EBF3: variants seen among roughly 807,000 people sequenced by gnomAD.
EBF3 encodes the protein EBF transcription factor 3, also known as transcription factor COE3.
EBF3 carries 18 observed loss-of-function variants against 77.1 expected under a neutral mutation model. The ratio of observed to expected loss-of-function variants is 0.23; its 90% confidence interval spans 0.16 to 0.35. The LOEUF is 0.35. Among genes scored for constraint, EBF3 ranks in the 10% least tolerant of loss-of-function variants. EBF3 has a pLI of 1.00. For missense variants in EBF3, 558 were observed against 860.0 expected, an observed-to-expected ratio of 0.65 and a Z score of 4.39; for synonymous variants, 350 against 343.5, an observed-to-expected ratio of 1.02 and a Z score of -0.21.
At chr10:129,904,690 T>C (rs1855014754) in intron 6 of EBF3, among the ~76,000 whole-genome samples, 1 of 151,826 alleles carries the variant, frequency 6.6e-6, no homozygotes, top group African/African-American at 2.4e-5. Flanking sequence ...AACTATATAA[T>C]ACAAATATAT....
intron 11 of EBF3, among the ~76,000 whole-genome samples, chr10:129,845,153 G>T (rs1850363084): frequency 6.6e-6 from 1 of 152,160 alleles, no homozygotes; most frequent in Non-Finnish European, 1.5e-5. Flanking sequence ...GCTCTTAAGT[G>T]GTGGTCTTGT....
intron 6 of EBF3, among the ~76,000 whole-genome samples, chr10:129,946,174 T>C (rs1229247693): frequency 6.6e-6 from 1 of 152,256 alleles, no homozygotes; most frequent in Non-Finnish European, 1.5e-5. Flanking sequence ...TTCTCACTGC[T>C]GGGCCCTCGG....
Position 129,885,493 on chromosome 10 carries a change from T to A in EBF3, c.555-7644A>T, listed in dbSNP as rs1853509352. ...ATGATAGTTTTGATAAGGTTATCTGTTTCAAAGAAGTCAACTGCACAACAC... is the reference window on the plus strand; with the variant it reads ...ATGATAGTTTTGATAAGGTTATCTGATTCAAAGAAGTCAACTGCACAACAC... On this transcript the variant is annotated intron_variant, in intron 6 of 16. Coordinates refer to ENST00000440978, the MANE Select transcript of EBF3 (RefSeq NM_001375380.1). This position sits in a 1 kb window ranked among gnomAD's most constrained non-coding sequence, Gnocchi z 4.0. 6.6e-6 allele frequency among the ~76,000 whole-genome samples: 1 copy of A among 152,212 alleles called. No individual in the cohort carries two copies. Among genetic ancestry groups the A allele is most frequent in the Non-Finnish European group, 1.5e-5 (1 of 68,034 alleles).
At chr10:129,876,431 C>T (rs1852775096) in intron 7 of EBF3, among the ~76,000 whole-genome samples, 1 of 152,248 alleles carries the variant, frequency 6.6e-6, no homozygotes, top group African/African-American at 2.4e-5. Flanking sequence ...CCTGTGAAGC[C>T]TAGTGCGTGA....
intron 6 of EBF3, among the ~76,000 whole-genome samples, chr10:129,924,275 C>T (rs928704679): frequency 2.0e-5 from 3 of 152,002 alleles, no homozygotes; most frequent in African/African-American, 7.3e-5. Context: ...ATTAGCCAGG[C>T]GTGATGGTAC....
chr10:129,937,638 C>T (rs1490702024), intron 6 of EBF3, among the ~76,000 whole-genome samples: 1 of 152,178 alleles, frequency 6.6e-6, no homozygotes, highest in African/African-American at 2.4e-5. Context: ...GTCCAGTCCC[C>T]GCCCCGTGCC....
chr10:129,925,807 A>G (rs1410303940), intron 6 of EBF3, among the ~76,000 whole-genome samples: 2 of 152,172 alleles, frequency 1.3e-5, no homozygotes, highest in Non-Finnish European at 2.9e-5. Context: ...GGAGGTAAAC[A>G]TCCAACACAA....
intron 7 of EBF3, among the ~76,000 whole-genome samples, chr10:129,875,525 C>T (rs570539074): frequency 4.2e-4 from 64 of 152,336 alleles, no homozygotes; most frequent in African/African-American, 1.4e-3. Flanking sequence ...TCAGACTCCA[C>T]AAGATGATGA....
intron 6 of EBF3, among the ~76,000 whole-genome samples, chr10:129,893,962 C>T (rs1854194708): frequency 1.3e-5 from 2 of 152,198 alleles, no homozygotes; most frequent in African/African-American, 4.8e-5. Context: ...GTGAACAAAG[C>T]GCGTGCTTCT....
At chr10:129,921,431 A>T (rs1009426035) in intron 6 of EBF3, among the ~76,000 whole-genome samples, 1 of 152,216 alleles carries the variant, frequency 6.6e-6, no homozygotes, top group African/African-American at 2.4e-5. Flanking sequence ...GAACCCCTGC[A>T]GACAATCACC....
chr10:129,875,720 C>T (rs949621572), intron 7 of EBF3, among the ~76,000 whole-genome samples: 7 of 152,186 alleles, frequency 4.6e-5, no homozygotes, highest in Admixed American at 2.0e-4. Context: ...TATCTCAGCA[C>T]CCTCCTTTTT....
intron 6 of EBF3, among the ~76,000 whole-genome samples, chr10:129,899,883 G>A (rs1854663003): frequency 6.6e-6 from 1 of 152,170 alleles, no homozygotes; most frequent in Admixed American, 6.5e-5. Flanking sequence ...CAAGATAGTG[G>A]AATAAGGTCC....
intron 6 of EBF3, among the ~76,000 whole-genome samples, chr10:129,895,978 T>C (rs1249144701): frequency 1.3e-5 from 2 of 152,130 alleles, no homozygotes; most frequent in African/African-American, 4.8e-5. Flanking sequence ...GCTGTACAGG[T>C]TTTCTACTAA....
At chr10:129,919,590 C>A (rs139772208) in intron 6 of EBF3, among the ~76,000 whole-genome samples, 1 of 152,162 alleles carries the variant, frequency 6.6e-6, no homozygotes, top group Non-Finnish European at 1.5e-5. Flanking sequence ...CTGCCCCAGG[C>A]GTTGCCCTTG....
intron 4 of EBF3, among the ~76,000 whole-genome samples, chr10:129,959,803 CG>C: frequency 6.6e-6 from 1 of 151,920 alleles, no homozygotes. Flanking sequence ...GCAGGAGTGC[CG>C]GGGCCCCAGG....
intron 8 of EBF3, among the ~76,000 whole-genome samples, chr10:129,871,931 T>G (rs918742352): frequency 2.0e-5 from 3 of 152,226 alleles, no homozygotes; most frequent in Non-Finnish European, 4.4e-5. Flanking sequence ...TGAGCAAGAC[T>G]GCTTCTGCAA....
rs925548046 is a variant in EBF3, at chr10:129,864,310, G to A, written c.1039+2831C>T. Among the ~76,000 whole-genome samples the A allele has an allele frequency of 6.6e-6, 1 of 152,022 alleles. No homozygotes were observed. Among genetic ancestry groups the A allele is most frequent in the African/African-American group, 2.4e-5 (1 of 41,414 alleles). ...GGGGGACGCTGACATCACAGGCTCCGCCACACCATGTGATACCTGCCAGCC... is the reference window on the plus strand; with the variant it reads ...GGGGGACGCTGACATCACAGGCTCCACCACACCATGTGATACCTGCCAGCC... On this transcript the variant is annotated intron_variant, in intron 10 of 16. Coordinates refer to ENST00000440978, the MANE Select transcript of EBF3 (RefSeq NM_001375380.1). The surrounding 1 kb of genome is among the most constrained non-coding windows in gnomAD (Gnocchi z 4.4).
chr10:129,942,498 G>A (rs1002308830), intron 6 of EBF3, among the ~76,000 whole-genome samples: 6 of 152,168 alleles, frequency 3.9e-5, no homozygotes, highest in South Asian at 4.1e-4. Context: ...CTGCAAGAGC[G>A]TCCCACACGC....
At chr10:129,950,970 T>C (rs1156501043) in intron 6 of EBF3, among the ~76,000 whole-genome samples, 1 of 152,258 alleles carries the variant, frequency 6.6e-6, no homozygotes. Flanking sequence ...TCATTAGAGC[T>C]TGGAATTTTT....
Sources: allele counts gnomAD v4.1 joint callset (sites outside exome capture counted in the v4.1 genomes callset), GRCh38; gene constraint gnomAD v4.1.1; non-coding constraint Gnocchi (gnomAD v3.1); transcripts MANE v1.5; gene names NCBI Gene and HGNC (gene_info 2026-07-23, HGNC 2026-07-21).